The following DIAPH2 variants were observed in gnomAD, a reference collection of about 807,000 sequenced individuals.
DIAPH2 encodes protein diaphanous homolog 2.
In DIAPH2, 35 loss-of-function variants were observed where a neutral mutation model predicts 92.7. The observed-to-expected ratio is 0.38, with a 90% CI of 0.29 to 0.50. The LOEUF (loss-of-function observed/expected upper bound fraction) is 0.50. Ranked by LOEUF, DIAPH2 falls within the 20% of genes least tolerant of loss-of-function variation. The pLI, the probability that DIAPH2 is intolerant of heterozygous loss-of-function variation, is 0.94. For synonymous variants in DIAPH2, 301 were observed against 280.4 expected (o/e 1.07, Z -0.73); for missense variants, 701 against 819.5 (o/e 0.86, Z 1.77).
intron 23 of DIAPH2, among the ~76,000 whole-genome samples, chrX:97,339,155 A>G (rs1313653281): frequency 9.0e-6 from 1 of 111,237 alleles, no homozygotes; most frequent in East Asian, 2.8e-4. Context: ...AGAGAATTCT[A>G]TATAGTGCAT....
At chrX:97,339,599 A>C (rs1018998376) in intron 23 of DIAPH2, among the ~76,000 whole-genome samples, 4 of 112,152 alleles carry the variant, frequency 3.6e-5, no homozygotes, top group Non-Finnish European at 3.8e-5. Context: ...CATGACTGAG[A>C]CCAAACTGAT....
intron 23 of DIAPH2, among the ~76,000 whole-genome samples, chrX:97,260,414 C>T (rs996260493): frequency 8.9e-6 from 1 of 112,243 alleles, no homozygotes; most frequent in Non-Finnish European, 1.9e-5. Flanking sequence ...GAGAATAATA[C>T]TTGAGCTGAG....
intron 17 of DIAPH2, among the ~76,000 whole-genome samples, chrX:97,036,179 G>A (rs1438398551): frequency 9.0e-6 from 1 of 111,693 alleles, no homozygotes; most frequent in Admixed American, 9.5e-5. Context: ...GGAAGTTTGA[G>A]AAATTAAGCT....
At chrX:97,321,089 T>C (rs866004577) in intron 23 of DIAPH2, among the ~76,000 whole-genome samples, 3 of 111,558 alleles carry the variant, frequency 2.7e-5, no homozygotes, top group Admixed American at 9.7e-5. Context: ...ATTATACAAT[T>C]CTTTAATAGC....
At chrX:96,951,420 C>T (rs1411939307) in intron 15 of DIAPH2, among the ~76,000 whole-genome samples, 4 of 111,828 alleles carry the variant, frequency 3.6e-5, no homozygotes, top group Non-Finnish European at 7.5e-5. Flanking sequence ...AGAGCATAGA[C>T]ACCTTGAGGA....
intron 26 of DIAPH2, among the ~76,000 whole-genome samples, chrX:97,503,594 C>A (rs991890542): frequency 9.8e-5 from 11 of 111,941 alleles, no homozygotes; most frequent in African/African-American, 2.6e-4. Flanking sequence ...TAACCTCAAA[C>A]CTTTTTGTTT....
chrX:97,512,346 G>A (rs1206814534), intron 26 of DIAPH2, among the ~76,000 whole-genome samples: 118 of 112,508 alleles, frequency 1.0e-3, no homozygotes, highest in Non-Finnish European at 1.8e-3. Flanking sequence ...CTGTGGGATC[G>A]GTGGTGATAT....
intron 24 of DIAPH2, among the ~76,000 whole-genome samples, chrX:97,363,598 G>A (rs1318594108): frequency 2.0e-5 from 2 of 100,376 alleles, no homozygotes; most frequent in African/African-American, 3.7e-5. Flanking sequence ...CCTGGAAGGC[G>A]AAGGTTGCTG....
chrX:97,446,154 C>G (rs1266597650), intron 26 of DIAPH2, among the ~76,000 whole-genome samples: 1 of 110,969 alleles, frequency 9.0e-6, no homozygotes, highest in Non-Finnish European at 1.9e-5. Flanking sequence ...TTTTGTATTT[C>G]TATATTAATG....
chrX:97,331,702 C>T (rs1353392437), intron 23 of DIAPH2, among the ~76,000 whole-genome samples: 1 of 111,642 alleles, frequency 9.0e-6, no homozygotes, highest in African/African-American at 3.2e-5. Context: ...TCGTGAAATG[C>T]ACTTGTTTTC....
chrX:97,067,458 CAT>C (rs751552321), intron 17 of DIAPH2, among the ~76,000 whole-genome samples: 6 of 111,512 alleles, frequency 5.4e-5, no homozygotes, highest in Non-Finnish European at 5.6e-5. Flanking sequence ...AAAATGAACA[CAT>C]GTTAACATTT....
rs765246428 is a variant in DIAPH2 at position 97,445,441 on chromosome X, A to C, written c.3241+15696A>C. ...TTTTTCTTTTTCTTTTTTGAGAAGG[A>C]GTCTCGCTCTGTTGCCCAGGCAACA... is the stretch of plus-strand genomic sequence containing the variant. On this transcript the variant is annotated intron_variant, in intron 26 of 26. Coordinates refer to ENST00000324765, the MANE Select transcript of DIAPH2 (RefSeq NM_006729.5). Among the ~76,000 whole-genome samples, 15 of 106,513 alleles carry C rather than the reference A, an allele frequency of 1.4e-4. No individual in the cohort carries two copies. In the East Asian group the frequency reaches 3.1e-3, roughly 22 times the overall value. 92.5% of individuals were successfully genotyped at this position (106,513 alleles called of 115,157 possible).
intron 4 of DIAPH2, among the ~76,000 whole-genome samples, chrX:96,783,133 C>T (rs1264351415): frequency 9.0e-6 from 1 of 111,248 alleles, no homozygotes; most frequent in Non-Finnish European, 1.9e-5. Context: ...AAATAAAGGA[C>T]GGTGTGGGGA....
chrX:97,467,982 C>T (rs1388783448), intron 26 of DIAPH2, among the ~76,000 whole-genome samples: 1 of 111,922 alleles, frequency 8.9e-6, no homozygotes, highest in Non-Finnish European at 1.9e-5. Flanking sequence ...CTTGAGTTCA[C>T]TGCTTATCAG....
chrX:97,220,552 G>A (rs2067916792), intron 22 of DIAPH2, among the ~76,000 whole-genome samples: 1 of 111,505 alleles, frequency 9.0e-6, no homozygotes, highest in Admixed American at 9.6e-5. Flanking sequence ...CCAGGGTGGG[G>A]CCAGAGGGGC....
intron 26 of DIAPH2, among the ~76,000 whole-genome samples, chrX:97,451,467 A>C (rs1376938618): frequency 9.0e-6 from 1 of 111,645 alleles, no homozygotes; most frequent in Non-Finnish European, 1.9e-5. Context: ...CATCTCTCAA[A>C]TAAGTCTTTT....
intron 19 of DIAPH2, among the ~76,000 whole-genome samples, chrX:97,097,200 A>G (rs1312496072): frequency 1.8e-5 from 2 of 111,996 alleles, no homozygotes; most frequent in African/African-American, 6.5e-5. Context: ...TAGTATGTAC[A>G]TATATAAAAA....
intron 21 of DIAPH2, among the ~76,000 whole-genome samples, chrX:97,120,818 A>G (rs957550481): frequency 4.5e-5 from 5 of 110,170 alleles, no homozygotes; most frequent in African/African-American, 1.7e-4. Context: ...CATACCAACT[A>G]TACAAAGGAA....
chrX:96,706,491 G>T (rs748993505), intron 1 of DIAPH2, among the ~76,000 whole-genome samples: 3 of 112,199 alleles, frequency 2.7e-5, no homozygotes, highest in African/African-American at 9.7e-5. Flanking sequence ...AGAGGAGGAA[G>T]ATTAGGATTT....
Sources: allele counts gnomAD v4.1 joint callset (sites outside exome capture counted in the v4.1 genomes callset), GRCh38; gene constraint gnomAD v4.1.1; transcripts MANE v1.5; gene names NCBI Gene and HGNC (gene_info 2026-07-23, HGNC 2026-07-21).